Variants in SETBP1 observed in about 807,000 individuals in gnomAD.
SETBP1 encodes the protein SET-binding protein.
A neutral mutation model predicts 101.0 loss-of-function variants in SETBP1; 9 were observed. The ratio of observed to expected loss-of-function variants is 0.09; its 90% CI spans 0.05 to 0.16. The LOEUF is 0.16. SETBP1 is among the 10% of genes least tolerant of loss of function. The pLI is 1.00. For synonymous variants in SETBP1, 818 were observed against 788.5 expected (o/e 1.04, Z -0.63); for missense variants, 1,858 against 2,033.8 (o/e 0.91, Z 1.66).
At chr18:44,945,512 G>A (rs1476345457) in intron 3 of SETBP1, among the ~76,000 whole-genome samples, 1 of 152,098 alleles carries the variant, frequency 6.6e-6, no homozygotes, top group Non-Finnish European at 1.5e-5. Context: ...TCTTATAAAA[G>A]TGAGCCACAC....
At chr18:44,764,131 G>T (rs776823479) in intron 2 of SETBP1, among the ~76,000 whole-genome samples, 18 of 152,234 alleles carry the variant, frequency 1.2e-4, no homozygotes, top group Admixed American at 2.0e-4. Context: ...TTGTGCAAAA[G>T]TGAACTCTTG....
chr18:44,818,032 C>G (rs962852806), intron 2 of SETBP1, among the ~76,000 whole-genome samples: 2 of 152,200 alleles, frequency 1.3e-5, no homozygotes, highest in Non-Finnish European at 2.9e-5. Flanking sequence ...TCTTTACTCA[C>G]TCAGCACCAC....
chr18:45,041,230 T>C (rs1420208457), intron 5 of SETBP1, among the ~76,000 whole-genome samples: 1 of 152,206 alleles, frequency 6.6e-6, no homozygotes, highest in Non-Finnish European at 1.5e-5. Context: ...TCTACTTCTT[T>C]TGGAGAACAG....
At chr18:44,711,020 C>T (rs370836077) in intron 2 of SETBP1, among the ~76,000 whole-genome samples, 29 of 152,210 alleles carry the variant, frequency 1.9e-4, no homozygotes, top group African/African-American at 6.7e-4. Flanking sequence ...TTTTTAGCCA[C>T]GCCACGTCGT....
At chr18:44,857,477 G>C (rs1452333217) in intron 2 of SETBP1, among the ~76,000 whole-genome samples, 1 of 152,186 alleles carries the variant, frequency 6.6e-6, no homozygotes, top group African/African-American at 2.4e-5. Flanking sequence ...GATATGACTT[G>C]CTCAAGGTTG....
chr18:44,973,997 A>G (rs2071929231), intron 4 of SETBP1, among the ~76,000 whole-genome samples: 1 of 152,226 alleles, frequency 6.6e-6, no homozygotes, highest in African/African-American at 2.4e-5. Flanking sequence ...TCCCTAATTC[A>G]TTGCTGGTCA....
chr18:44,914,761 A>C (rs1202611503), intron 3 of SETBP1, among the ~76,000 whole-genome samples: 1 of 152,078 alleles, frequency 6.6e-6, no homozygotes, highest in Non-Finnish European at 1.5e-5. Context: ...TAGATGAAGT[A>C]CTATAGGAAC....
chr18:44,967,986 G>T (rs995944562), intron 4 of SETBP1, among the ~76,000 whole-genome samples: 1 of 152,190 alleles, frequency 6.6e-6, no homozygotes, highest in Non-Finnish European at 1.5e-5. Flanking sequence ...GTAGATGGAG[G>T]TCTACCTTGT....
At chr18:44,764,308 CT>C (rs906435125) in intron 2 of SETBP1, among the ~76,000 whole-genome samples, 1 of 152,350 alleles carries the variant, frequency 6.6e-6, no homozygotes, top group African/African-American at 2.4e-5. Context: ...GTACTTGCCC[CT>C]GATTCCTCTG....
At chr18:45,044,026 A>G (rs2073562045) in intron 5 of SETBP1, among the ~76,000 whole-genome samples, 1 of 152,214 alleles carries the variant, frequency 6.6e-6, no homozygotes, top group African/African-American at 2.4e-5. Flanking sequence ...AGAATGATGC[A>G]ATTATTTATT....
At chr18:44,829,719 G>A (rs899141239) in intron 2 of SETBP1, among the ~76,000 whole-genome samples, 1 of 152,174 alleles carries the variant, frequency 6.6e-6, no homozygotes, top group African/African-American at 2.4e-5. Context: ...ATTCTATAAC[G>A]GAGGGGCAAA....
intron 4 of SETBP1, among the ~76,000 whole-genome samples, chr18:45,001,642 G>C (rs1474345727): frequency 6.6e-6 from 1 of 152,152 alleles, no homozygotes. Context: ...TACCATTTGT[G>C]CTGGGCCTGC....
intron 5 of SETBP1, among the ~76,000 whole-genome samples, chr18:45,050,633 C>CA (rs1599496318): frequency 1.3e-5 from 2 of 152,248 alleles, no homozygotes; most frequent in East Asian, 3.9e-4. Flanking sequence ...TTTCAAAAGA[C>CA]AGAGAGAAGG....
At chr18:44,906,373 T>G (rs921136117) in intron 3 of SETBP1, among the ~76,000 whole-genome samples, 2 of 152,202 alleles carry the variant, frequency 1.3e-5, no homozygotes, top group Admixed American at 6.5e-5. Flanking sequence ...CCTTAGTGTT[T>G]GTGTGTTCTT....
intron 5 of SETBP1, among the ~76,000 whole-genome samples, chr18:45,040,641 A>T (rs1330464937): frequency 6.6e-6 from 1 of 152,078 alleles, no homozygotes; most frequent in Non-Finnish European, 1.5e-5. Flanking sequence ...AGTATAAGAG[A>T]ACTTATTGTT....
chr18:44,902,565 T>C (rs2144838178), intron 3 of SETBP1, among the ~76,000 whole-genome samples: 1 of 152,274 alleles, frequency 6.6e-6, no homozygotes, highest in Admixed American at 6.5e-5. Context: ...CAATGTTTAC[T>C]ATGAAAATGT....
intron 5 of SETBP1, among the ~76,000 whole-genome samples, chr18:45,043,625 C>T (rs1280969482): frequency 6.6e-6 from 1 of 152,120 alleles, no homozygotes. Context: ...TACCAGAGCC[C>T]ATGAATAAGT....
At chr18:44,807,944 T>C (rs1393212303) in intron 2 of SETBP1, among the ~76,000 whole-genome samples, 1 of 152,160 alleles carries the variant, frequency 6.6e-6, no homozygotes, top group Non-Finnish European at 1.5e-5. Context: ...GAATTTGGAC[T>C]TTACCCTCAG....
intron 4 of SETBP1, among the ~76,000 whole-genome samples, chr18:44,970,621 G>C (rs1258191704): frequency 6.6e-6 from 1 of 151,916 alleles, no homozygotes; most frequent in South Asian, 2.1e-4. Context: ...GGGCGATCTC[G>C]GCTTACTGCA....
Sources: allele counts gnomAD v4.1 joint callset (sites outside exome capture counted in the v4.1 genomes callset), GRCh38; gene constraint gnomAD v4.1.1; transcripts MANE v1.5; gene names NCBI Gene and HGNC (gene_info 2026-07-23, HGNC 2026-07-21).